The following TRMT2B variants were observed in gnomAD, a reference collection of about 807,000 sequenced individuals.
The protein encoded by TRMT2B is tRNA (uracil-5-)-methyltransferase homolog B.
Under a neutral mutation model 39.7 loss-of-function variants are expected in TRMT2B, and 34 were observed. The observed-to-expected ratio is 0.86, with a 90% CI of 0.65 to 1.14. The LOEUF is 1.14. Among genes scored for constraint, TRMT2B ranks in the 50% most tolerant of loss-of-function variants. TRMT2B has a pLI of 0.00. For missense variants in TRMT2B, 318 were observed against 377.2 expected (o/e 0.84, Z 1.30); for synonymous variants, 132 against 137.3 (o/e 0.96, Z 0.27).
chrX:101,033,357 G>A (rs1225707659), intron 7 of TRMT2B, among the ~76,000 whole-genome samples: 1 of 110,028 alleles, frequency 9.1e-6, no homozygotes, highest in Non-Finnish European at 1.9e-5. Flanking sequence ...CACTTTGGGA[G>A]GGCGAGGCGG....
In TRMT2B at chrX:101,023,497, G is replaced by A; in HGVS notation, c.729C>T (p.Ile243=). The stretch of plus-strand genomic sequence containing the variant: ...GACTTAATTTCTGGGGATGGAAAGT[G>A]ATGATAGCCATTGTGTGCCCTTGGC... ...TNSQGHTMAI[I]TFHPQKLSQE... is the part of the protein sequence containing the mutation. Residue 243 remains isoleucine, a synonymous_variant, in exon 8 of 14, where the codon ATC becomes ATT. Coordinates refer to ENST00000372936, the MANE Select transcript of TRMT2B (RefSeq NM_024917.6). 1 of 1,210,117 alleles carries A rather than the reference G, an allele frequency of 8.3e-7. No individual in the cohort carries two copies.
Position 101,022,056 on chromosome X carries a change from G to GC in TRMT2B, c.762dup (p.Leu255AlafsTer53). 1 of 1,203,622 alleles carries GC rather than the reference G, an allele frequency of 8.3e-7. No homozygotes were observed. Among genetic ancestry groups the GC allele is most frequent in the Non-Finnish European group, 1.1e-6 (1 of 888,151 alleles). On this transcript the variant is annotated frameshift_variant, in exon 9 of 14. Coordinates refer to ENST00000372936, the MANE Select transcript of TRMT2B (RefSeq NM_024917.6). LOFTEE classifies it high-confidence loss of function. ...TTTACAATCTCCTTCTGAACATGGA[G>GC]CTCCTCCTGCCCAGACCATAAAATT...
intron 13 of TRMT2B, among the ~76,000 whole-genome samples, chrX:101,012,759 G>A (rs937559231): frequency 8.2e-5 from 9 of 110,289 alleles, no homozygotes; most frequent in East Asian, 5.6e-4. Context: ...GGAATACTAC[G>A]CAGCCATAAA....
rs765584156 is a variant in TRMT2B, at chrX:101,021,155, C to T, written c.1012G>A (p.Glu338Lys). Residue 338 changes from glutamate (E) to lysine (K), a missense_variant, in exon 10 of 14, where the codon GAG (glutamate) becomes AAG (lysine). Transcript: ENST00000372936. The stretch of plus-strand genomic sequence containing the variant: ...GTGTCAGAGTTCACTCCAGTCAGCT[C>T]CCCCACAGTCCGATACAGCATCTCT... ...GAEMLYRTVG[E>K]LTGVNSDTIL... 1.7e-6 allele frequency: 2 copies of T among 1,211,201 alleles called. No homozygotes were observed. Among genetic ancestry groups the T allele is most frequent in the Non-Finnish European group, 2.2e-6 (2 of 895,363 alleles).
chrX:101,011,670 G>T (rs189536768), intron 13 of TRMT2B, among the ~76,000 whole-genome samples: 1 of 111,475 alleles, frequency 9.0e-6, no homozygotes, highest in East Asian at 2.8e-4. Flanking sequence ...GAGGTGAGAG[G>T]ATTGCTTGAG....
chrX:101,011,201 G>C (rs749562486), intron 13 of TRMT2B, among the ~76,000 whole-genome samples: 1 of 111,600 alleles, frequency 9.0e-6, no homozygotes, highest in South Asian at 3.8e-4. Context: ...GAACATAATA[G>C]AGCATACTTA....
the TRMT2B span, chrX:100,987,478 C>T: frequency 8.3e-7 from 1 of 1,211,324 alleles, no homozygotes; most frequent in Non-Finnish European, 1.1e-6. Context: ...GTCATTGATA[C>T]TTGCCAACTA....
At chrX:101,028,112 CTTTT>C (rs1161374681) in intron 7 of TRMT2B, among the ~76,000 whole-genome samples, 1 of 78,432 alleles carries the variant, frequency 1.3e-5, no homozygotes. Flanking sequence ...ACTTCTTGCT[CTTTT>C]TTTTTTTTTT....
At chrX:100,987,368 C>T in the TRMT2B span, 2 of 1,206,537 alleles carry the variant, frequency 1.7e-6, no homozygotes, top group South Asian at 3.5e-5. Flanking sequence ...GGTCTGCAGC[C>T]TTCTCTTCTC....
intron 6 of TRMT2B, 140 bp downstream of exon 6, chrX:101,036,834 A>G (rs1308951503): frequency 6.2e-6 from 3 of 483,519 alleles, no homozygotes; most frequent in Non-Finnish European, 1.1e-5. Flanking sequence ...ATCCGTAATC[A>G]ACCTTGTGAT....
At chrX:101,027,076 T>C (rs2087136983) in intron 7 of TRMT2B, among the ~76,000 whole-genome samples, 1 of 111,132 alleles carries the variant, frequency 9.0e-6, no homozygotes, top group South Asian at 3.8e-4. Context: ...ACAGTACACA[T>C]TAAGGTCACC....
intron 9 of TRMT2B, among the ~76,000 whole-genome samples, chrX:101,021,639 A>T (rs1307302124): frequency 1.8e-5 from 2 of 111,591 alleles, no homozygotes; most frequent in Non-Finnish European, 3.8e-5. Flanking sequence ...AAAGAAAAAA[A>T]AAAAGCAAAA....
chrX:100,973,630 A>G, the TRMT2B span: 3 of 1,143,758 alleles, frequency 2.6e-6, no homozygotes, highest in Non-Finnish European at 3.6e-6. Context: ...CTCAGTGTTT[A>G]TAACAGGACT....
At chrX:100,973,751 A>G in the TRMT2B span, 2 of 1,207,633 alleles carry the variant, frequency 1.7e-6, no homozygotes. Context: ...ACACGAAGGT[A>G]ATATTACAAT....
chrX:101,041,036 T>C (rs2088201010), intron 4 of TRMT2B, among the ~76,000 whole-genome samples: 1 of 110,592 alleles, frequency 9.0e-6, no homozygotes, highest in Admixed American at 9.8e-5. Context: ...ATGGCCTATC[T>C]CTACTAAAAA....
At chrX:100,973,656 TTCTTC>T in the TRMT2B span, 10 of 1,198,224 alleles carry the variant, frequency 8.3e-6, no homozygotes, top group Non-Finnish European at 1.0e-5. Context: ...CTTATTTTCT[TTCTTC>T]TCTTAATATT....
chrX:101,037,025 C>A lies in TRMT2B; in HGVS notation c.487G>T (p.Gly163Cys), dbSNP rs1221315227. ...RNKSTFSVNR[G>C]PDGNPKTVGF... ...ACAGTCTTTGGATTGCCATCTGGAC[C>A]TCGGTTCACAGAGAAGGTGGACTTA... Residue 163 changes from glycine to cysteine, a missense_variant, in exon 6 of 14, where the codon GGT (glycine) becomes TGT (cysteine). Physicochemically the swap from Gly to Cys is radical, Grantham distance 159. Coordinates refer to ENST00000372936, the MANE Select transcript of TRMT2B (RefSeq NM_024917.6). 8.3e-7 allele frequency: 1 copy of A among 1,211,484 alleles called. No individual in the cohort carries two copies. Among genetic ancestry groups the A allele is most frequent in the Admixed American group, 2.2e-5 (1 of 45,902 alleles).
chrX:100,987,073 C>T, the TRMT2B span, among the ~76,000 whole-genome samples: 4 of 111,694 alleles, frequency 3.6e-5, no homozygotes, highest in African/African-American at 1.3e-4. Context: ...ATTCTGCCTT[C>T]AAAATAATTC....
rs748851127 is a variant in TRMT2B at position 101,037,908 on chromosome X, G to A, written c.438+9C>T. ...TTAATAGATAAGGAATAGGGAGGTG[G>A]GGGCTTACAGAGGGTATAATAGGAT... is the stretch of plus-strand genomic sequence containing the variant. On this transcript the variant is annotated intron_variant, in intron 5 of 13. Coordinates refer to ENST00000372936, the MANE Select transcript of TRMT2B (RefSeq NM_024917.6). 8.3e-7 allele frequency: 1 copy of A among 1,208,229 alleles called. No homozygotes were observed. Among genetic ancestry groups the A allele is most frequent in the Non-Finnish European group, 1.1e-6 (1 of 893,757 alleles).
Sources: allele counts gnomAD v4.1 joint callset (sites outside exome capture counted in the v4.1 genomes callset), GRCh38; gene constraint gnomAD v4.1.1; transcripts MANE v1.5; gene names NCBI Gene and HGNC (gene_info 2026-07-23, HGNC 2026-07-21).